SLC1A6: variants seen among roughly 807,000 people sequenced by gnomAD.
SLC1A6 encodes excitatory amino acid transporter 4.
In SLC1A6, 15 loss-of-function variants were observed where a neutral mutation model predicts 42.1. The observed-to-expected ratio is 0.36, with a 90% CI of 0.24 to 0.55. SLC1A6 has a LOEUF of 0.55. Ranked by LOEUF, SLC1A6 falls within the 20% of genes least tolerant of loss-of-function variation. SLC1A6 has a pLI of 0.88. For missense variants in SLC1A6, 542 were observed against 772.5 expected (o/e 0.70, Z 3.54); for synonymous variants, 317 against 319.7 (o/e 0.99, Z 0.09).
At chr19:14,997,274 C>G (rs530881138) in intron 1 of SLC1A6, among the ~76,000 whole-genome samples, 4 of 152,230 alleles carry the variant, frequency 2.6e-5, no homozygotes, top group Non-Finnish European at 5.9e-5. Flanking sequence ...TTGAGTTGTT[C>G]CACCTTTCTG....
chr19:14,990,159 G>T (rs62113333), intron 1 of SLC1A6, among the ~76,000 whole-genome samples: 25,971 of 151,870 alleles, frequency 0.17, 3,075 homozygotes, highest in African/African-American at 0.34. Context: ...CAACAGTCAA[G>T]ATATGGAAGC....
intron 6 of SLC1A6, 60 bp downstream of exon 6, chr19:14,961,942 C>T (rs1204437559): frequency 1.3e-6 from 2 of 1,543,146 alleles, no homozygotes; most frequent in Non-Finnish European, 1.7e-6. Flanking sequence ...CGGCAGCTTC[C>T]CCACAGCCTG....
rs2045701175 is a variant in SLC1A6 at position 14,975,845 on chromosome 19, CAAAGG to C, written c.-7-2933_-7-2929del. ...ACAAAGGGAAGGGAAGGGAAGGGGA[CAAAGG>C]GAAGGGAAGGGAAGGGAAGGAAAGG... On this transcript the variant is annotated intron_variant, in intron 1 of 9. Coordinates refer to ENST00000594383, the MANE Select transcript of SLC1A6 (RefSeq NM_005071.3). Among the ~76,000 whole-genome samples, 5 of 56,356 alleles carry C rather than the reference CAAAGG, an allele frequency of 8.9e-5. No individual in the cohort carries two copies. In the South Asian group the frequency reaches 2.8e-3, roughly 32 times the overall value. The allele number at this position is 56,356 out of a possible 152,430, so 37.0% of individuals were successfully genotyped here. A position where few individuals can be genotyped will look rare whatever the true frequency, so the allele number is the denominator to read the frequency against.
At chr19:14,952,300 G>A (rs953863158) in intron 9 of SLC1A6, among the ~76,000 whole-genome samples, 2 of 149,582 alleles carry the variant, frequency 1.3e-5, no homozygotes, top group African/African-American at 4.9e-5. Flanking sequence ...ACAAATCCCA[G>A]CACTTTGGGA....
Position 14,969,706 on chromosome 19 carries a change from T to C in SLC1A6, c.344-1199A>G, listed in dbSNP as rs750922131. 8.5e-5 allele frequency among the ~76,000 whole-genome samples: 13 copies of C among 152,362 alleles called. No individual in the cohort carries two copies. The South Asian group carries it at 1.9e-3, about 22-fold the overall frequency. On this transcript the variant is annotated intron_variant, in intron 3 of 9. Transcript: ENST00000594383. ...CCCAACCTAAGAAGCCATTTCTTCA[T>C]GCCTTTTTCTTCTTCCCCATCCCCA...
intron 1 of SLC1A6, among the ~76,000 whole-genome samples, chr19:14,999,718 T>G (rs12974655): frequency 0.097 from 14,839 of 152,306 alleles, 885 homozygotes; most frequent in East Asian, 0.2. Flanking sequence ...GTGATTTTTT[T>G]ACTCTACCGT....
At chr19:14,982,670 T>C (rs2045773871), upstream of SLC1A6, among the ~76,000 whole-genome samples, 1 of 152,186 alleles carries the variant, frequency 6.6e-6, no homozygotes, top group African/African-American at 2.4e-5. Context: ...CAAGGGAGCA[T>C]ATGGGAGCTG....
intron 2 of SLC1A6, 130 bp downstream of exon 2, chr19:14,972,576 A>C: frequency 4.3e-6 from 3 of 699,360 alleles, no homozygotes; most frequent in Non-Finnish European, 7.4e-6. Context: ...GTTGAGGGTG[A>C]CTGGTGGGAC....
chr19:14,985,125 G>T (rs893732005), intron 1 of SLC1A6, among the ~76,000 whole-genome samples: 3 of 152,212 alleles, frequency 2.0e-5, no homozygotes, highest in African/African-American at 7.2e-5. Context: ...TAGGTGATCC[G>T]CCCGCATCGG....
intron 6 of SLC1A6, among the ~76,000 whole-genome samples, chr19:14,958,270 G>T (rs1436030915): frequency 6.6e-6 from 1 of 151,978 alleles, no homozygotes; most frequent in Non-Finnish European, 1.5e-5. Context: ...AATTAGTCAG[G>T]TGTGGTAGTG....
intron 1 of SLC1A6, among the ~76,000 whole-genome samples, chr19:14,985,420 C>G (rs545787108): frequency 1.3e-4 from 20 of 152,236 alleles, no homozygotes; most frequent in Admixed American, 1.3e-3. Flanking sequence ...AGTGAGTTCT[C>G]ACTCTATGAG....
intron 8 of SLC1A6, 46 bp from the exon 9 acceptor site, chr19:14,953,108 C>A (rs112961563): frequency 2.7e-6 from 4 of 1,463,242 alleles, no homozygotes; most frequent in Non-Finnish European, 3.8e-6. Flanking sequence ...GGGAAGAAGG[C>A]GATGAGGAAG....
At chr19:14,963,037 G>C (rs2045533213) in intron 5 of SLC1A6, among the ~76,000 whole-genome samples, 1 of 152,154 alleles carries the variant, frequency 6.6e-6, no homozygotes, top group African/African-American at 2.4e-5. Flanking sequence ...CAATAGCCAA[G>C]ATATGAAATC....
At chr19:14,966,502 G>A (rs1292890633) in intron 4 of SLC1A6, among the ~76,000 whole-genome samples, 1 of 151,554 alleles carries the variant, frequency 6.6e-6, no homozygotes, top group African/African-American at 2.4e-5. Flanking sequence ...AATTAAAAGA[G>A]TAAAGGCAAC....
intron 1 of SLC1A6, among the ~76,000 whole-genome samples, chr19:15,001,435 A>G (rs1226303584): frequency 6.6e-6 from 1 of 152,218 alleles, no homozygotes; most frequent in Non-Finnish European, 1.5e-5. Context: ...CAGAGAGGGG[A>G]AAAACAAATG....
chr19:14,989,557 G>A (rs2045808865), intron 1 of SLC1A6, among the ~76,000 whole-genome samples: 1 of 145,044 alleles, frequency 6.9e-6, no homozygotes, highest in South Asian at 2.1e-4. Context: ...ACCGTGCCCG[G>A]CCAAAAATTT....
At chr19:14,998,239 A>G (rs1003296701) in intron 1 of SLC1A6, among the ~76,000 whole-genome samples, 1 of 152,070 alleles carries the variant, frequency 6.6e-6, no homozygotes, top group Non-Finnish European at 1.5e-5. Context: ...GGCCAGCATT[A>G]ACATTAAAAC....
chr19:15,009,946 G>A (rs757456543), intron 1 of SLC1A6, among the ~76,000 whole-genome samples: 6 of 152,050 alleles, frequency 3.9e-5, no homozygotes, highest in Admixed American at 6.5e-5. Context: ...TTGGGAGGCC[G>A]AGGCAGGAGA....
intron 1 of SLC1A6, among the ~76,000 whole-genome samples, chr19:15,001,262 A>T (rs545668964): frequency 6.6e-6 from 1 of 152,302 alleles, no homozygotes; most frequent in African/African-American, 2.4e-5. Context: ...AAAGAATTAC[A>T]ATCTGACAAG....
Sources: allele counts gnomAD v4.1 joint callset (sites outside exome capture counted in the v4.1 genomes callset), GRCh38; gene constraint gnomAD v4.1.1; transcripts MANE v1.5; gene names NCBI Gene and HGNC (gene_info 2026-07-23, HGNC 2026-07-21).